NEK1: variants seen among roughly 807,000 people sequenced by gnomAD.
The protein encoded by NEK1 is serine/threonine-protein kinase Nek1.
In NEK1, 137 loss-of-function variants were observed where a neutral mutation model predicts 182.1. That is an observed-to-expected ratio of 0.75 (90% CI 0.65 to 0.87). The LOEUF is 0.87. Among genes scored for constraint, NEK1 ranks in the 40% least tolerant of loss-of-function variants. The pLI is 0.00. For missense variants in NEK1, 1,391 were observed against 1,494.4 expected (o/e 0.93, Z 1.14); for synonymous variants, 513 against 492.2 (o/e 1.04, Z -0.56).
intron 31 of NEK1, among the ~76,000 whole-genome samples, chr4:169,409,700 G>GGAGGTTGTAGTGAGCC (rs1561137527): frequency 6.6e-6 from 1 of 151,860 alleles, no homozygotes; most frequent in East Asian, 1.9e-4. Context: ...CCTAGGAGGC[G>GGAGGTTGTAGTGAGCC]GAGGTTGTAG....
intron 27 of NEK1, among the ~76,000 whole-genome samples, chr4:169,462,756 C>G (rs1427462698): frequency 2.0e-5 from 3 of 152,124 alleles, no homozygotes; most frequent in African/African-American, 7.2e-5. Context: ...CTGTTTCATA[C>G]ATAGCCACTC....
chr4:169,532,283 T>C (rs1168000619), intron 19 of NEK1, among the ~76,000 whole-genome samples: 3 of 152,218 alleles, frequency 2.0e-5, no homozygotes, highest in Admixed American at 6.5e-5. Context: ...GGCTCTTGTA[T>C]GGTAGCCTGG....
intron 27 of NEK1, among the ~76,000 whole-genome samples, chr4:169,445,869 C>T (rs13105410): frequency 0.076 from 9,829 of 129,218 alleles, 1,145 homozygotes; most frequent in African/African-American, 0.27. Context: ...TATATATACA[C>T]ACACACACAC....
chr4:169,510,220 A>G (rs1333704247), intron 19 of NEK1, among the ~76,000 whole-genome samples: 1 of 152,134 alleles, frequency 6.6e-6, no homozygotes, highest in Non-Finnish European at 1.5e-5. Context: ...ATATGCTGCC[A>G]ATTCCCAAAC....
intron 18 of NEK1, among the ~76,000 whole-genome samples, chr4:169,543,059 G>C (rs1759732551): frequency 6.6e-6 from 1 of 152,114 alleles, no homozygotes. Flanking sequence ...TGAAGTCTTT[G>C]ACCATGCCTA....
chr4:169,559,611 G>GAA (rs201869710), intron 16 of NEK1, among the ~76,000 whole-genome samples: 2 of 151,690 alleles, frequency 1.3e-5, no homozygotes, highest in African/African-American at 4.8e-5. Context: ...AACTTTTGGA[G>GAA]AAAAAAAACC....
At chr4:169,607,005 G>A (rs1361372835) in intron 2 of NEK1, among the ~76,000 whole-genome samples, 1 of 152,188 alleles carries the variant, frequency 6.6e-6, no homozygotes. Flanking sequence ...TCAGAGTTCA[G>A]GGCTACCAAA....
At chr4:169,514,825 T>G (rs889417482) in intron 19 of NEK1, among the ~76,000 whole-genome samples, 2 of 152,176 alleles carry the variant, frequency 1.3e-5, no homozygotes, top group African/African-American at 4.8e-5. Context: ...TACTCTATAG[T>G]ATTACTGGTC....
chr4:169,599,637 T>C lies in NEK1; in HGVS notation c.215-440A>G, dbSNP rs542700380. Among the ~76,000 whole-genome samples, 3 of 152,270 alleles carry C rather than the reference T, an allele frequency of 2.0e-5. No homozygotes were observed. The South Asian group carries it at 6.2e-4, about 32-fold the overall frequency. On this transcript the variant is annotated intron_variant, in intron 4 of 35. Coordinates refer to ENST00000507142, the MANE Select transcript of NEK1 (RefSeq NM_001199397.3). The stretch of plus-strand genomic sequence containing the variant: ...GTTTTATCCACTTTAATCACTTACT[T>C]ATTAAATAAATAAAATAATAAGTGT...
rs376649040 is a variant in NEK1, at chr4:169,580,868, G to A, written c.842C>T (p.Ser281Leu). Residue 281 changes from serine to leucine, a missense_variant, in exon 11 of 36, where the codon TCG (serine) becomes TTG (leucine). Physicochemically the swap from Ser to Leu is moderately radical, Grantham distance 145. Around this residue, in one of 5 missense-constraint regions of NEK1, gnomAD observed 1,216 missense variants for 1,277.6 expected, o/e 0.95. Transcript: ENST00000507142. Reference sequence around the variant, plus strand: ...TGGTATAGGCTGTGATCCAAACTTCGAAAATGTTTTTAGACAAAATTCTTC... The same window carrying A: ...TGGTATAGGCTGTGATCCAAACTTCAAAAATGTTTTTAGACAAAATTCTTC... The part of the protein sequence containing the change: ...IAEEFCLKTF[S>L]KFGSQPIPAK... 2.0e-5 allele frequency: 30 copies of A among 1,532,304 alleles called. No homozygotes were observed. The highest frequency in any genetic ancestry group is 1.0e-4 in the Admixed American group (5 of 49,432). The allele number at this position is 1,532,304 out of a possible 1,614,324, so 94.9% of individuals were successfully genotyped here. A position where few individuals can be genotyped will look rare whatever the true frequency, so the allele number is the denominator to read the frequency against.
chr4:169,449,375 C>T (rs776113289), intron 27 of NEK1, among the ~76,000 whole-genome samples: 23 of 152,338 alleles, frequency 1.5e-4, no homozygotes, highest in African/African-American at 2.6e-4. Flanking sequence ...CTGACCCCCA[C>T]GCAGCCTAAC....
At chr4:169,454,246 A>G (rs923803658) in intron 27 of NEK1, among the ~76,000 whole-genome samples, 3 of 152,240 alleles carry the variant, frequency 2.0e-5, no homozygotes, top group Admixed American at 2.0e-4. Context: ...AACCCTAGGC[A>G]ATACCATTCA....
intron 18 of NEK1, among the ~76,000 whole-genome samples, chr4:169,553,258 A>G (rs7340804): frequency 0.071 from 10,860 of 152,252 alleles, 1,274 homozygotes; most frequent in African/African-American, 0.25. Flanking sequence ...GGCAATTCAA[A>G]GAAACAAATA....
chr4:169,535,348 A>G (rs1017925881), intron 19 of NEK1, among the ~76,000 whole-genome samples: 1 of 151,984 alleles, frequency 6.6e-6, no homozygotes, highest in East Asian at 1.9e-4. Context: ...ACAAAAACCA[A>G]TTTCTGAGAT....
intron 12 of NEK1, among the ~76,000 whole-genome samples, chr4:169,565,959 G>C (rs574755732): frequency 6.6e-6 from 1 of 152,240 alleles, no homozygotes; most frequent in Non-Finnish European, 1.5e-5. Flanking sequence ...TACAGTATGT[G>C]AATTATATCT....
chr4:169,588,739 G>A lies in NEK1; in HGVS notation c.465-4C>T. The A allele has an allele frequency of 6.6e-7, 1 of 1,526,492 alleles. No homozygotes were observed. The highest frequency in any genetic ancestry group is 8.9e-7 in the Non-Finnish European group (1 of 1,124,264). 94.6% of individuals were successfully genotyped at this position (1,526,492 alleles called of 1,614,324 possible). On this transcript the variant is annotated splice_polypyrimidine_tract_variant and splice_region_variant and intron_variant, in intron 7 of 35. Coordinates refer to ENST00000507142, the MANE Select transcript of NEK1 (RefSeq NM_001199397.3). The stretch of plus-strand genomic sequence containing the variant: ...AGTTCGAGCCAGCTCTACAGTACTA[G>A]AAGAAAAATAAAATTATTGGAGAAG...
chr4:169,556,298 T>C (rs958270962), intron 16 of NEK1, among the ~76,000 whole-genome samples: 4 of 152,192 alleles, frequency 2.6e-5, no homozygotes, highest in African/African-American at 9.6e-5. Context: ...TACTTTGTAA[T>C]TGATAATAAA....
intron 26 of NEK1, among the ~76,000 whole-genome samples, chr4:169,468,488 AAAAC>A (rs1469896605): frequency 2.0e-5 from 3 of 152,304 alleles, no homozygotes; most frequent in Non-Finnish European, 4.4e-5. Context: ...CATAAATGAA[AAAAC>A]AAACATTGAA....
intron 31 of NEK1, among the ~76,000 whole-genome samples, chr4:169,415,005 G>A (rs945546871): frequency 4.6e-5 from 7 of 152,164 alleles, no homozygotes; most frequent in African/African-American, 9.7e-5. Context: ...TTGTATCACC[G>A]CCTCATTGGA....
Sources: gnomAD v4.1 joint callset for allele counts (sites outside exome capture counted in the v4.1 genomes callset) on GRCh38, gnomAD v4.1.1 for gene constraint, gnomAD v4.1.1 regional missense constraint, MANE v1.5 for transcripts, NCBI Gene and HGNC (gene_info 2026-07-23, HGNC 2026-07-21) for gene names.